Variants in SATL1 observed in about 807,000 individuals in gnomAD.
SATL1 encodes the protein spermidine/spermine N(1)-acetyltransferase-like protein 1.
SATL1 carries 47 observed loss-of-function variants against 51.8 expected under a neutral mutation model. The observed-to-expected ratio is 0.91, with a 90% confidence interval of 0.72 to 1.16. SATL1 has a LOEUF of 1.16. Ranked by LOEUF, SATL1 falls within the 50% of genes most tolerant of loss-of-function variation. The pLI, the probability that SATL1 is intolerant of heterozygous loss-of-function variation, is 0.00. For missense variants in SATL1, 520 were observed against 526.4 expected, an observed-to-expected ratio of 0.99 and a Z score of 0.12; for synonymous variants, 176 against 182.4, an observed-to-expected ratio of 0.97 and a Z score of 0.28.
chrX:85,107,352 G>T lies in SATL1; in HGVS notation c.1617C>A (p.Cys539Ter). Residue 539 changes from cysteine to a stop codon, truncating the protein, a stop_gained, in exon 3 of 8, where the codon TGC becomes TGA. Transcript: ENST00000644105. LOFTEE classifies it high-confidence loss of function. ...FQIRHAEAGD[C>*]PEILRLIKEL... ...CTTTAATCAGTCGCAAAATTTCTGG[G>T]CAGTCTCCAGCCTCTGCATGTCTTA... The T allele has an allele frequency of 8.3e-7, 1 of 1,211,054 alleles. No individual in the cohort carries two copies. Among genetic ancestry groups the T allele is most frequent in the Non-Finnish European group, 1.1e-6 (1 of 894,859 alleles).
At chrX:85,242,694 T>C (rs932089835) in intron 1 of SATL1, among the ~76,000 whole-genome samples, 1 of 112,207 alleles carries the variant, frequency 8.9e-6, no homozygotes, top group African/African-American at 3.2e-5. Context: ...CTGTGCCCAC[T>C]GTGTACGGGC....
chrX:85,220,042 AC>A (rs1449709545), intron 2 of SATL1, among the ~76,000 whole-genome samples: 1 of 108,589 alleles, frequency 9.2e-6, no homozygotes, highest in Non-Finnish European at 1.9e-5. Flanking sequence ...CACTGACACT[AC>A]CTCTCCCCAA....
At chrX:85,153,341 G>T (rs1926512455) in intron 2 of SATL1, among the ~76,000 whole-genome samples, 1 of 111,734 alleles carries the variant, frequency 8.9e-6, no homozygotes, top group African/African-American at 3.3e-5. Context: ...GGAAGCCTAG[G>T]CCTCTTCAAC....
In SATL1 at chrX:85,096,217, C is replaced by T. The variant is rs192712725; in HGVS notation, c.1694-1221G>A. On this transcript the variant is annotated intron_variant, in intron 4 of 7. Transcript: ENST00000644105. ...ATATAGATATAAATTTTAAAAAATC[C>T]TCCCCCTAACATTCTGAAGCTTAAA... is the stretch of plus-strand genomic sequence containing the variant. Among the ~76,000 whole-genome samples the T allele has an allele frequency of 2.3e-3, 250 of 109,985 alleles. 2 individuals carry two copies. The highest frequency in any genetic ancestry group is 7.4e-3 in the African/African-American group (223 of 30,262).
chrX:85,131,809 G>T (rs1925812589), intron 2 of SATL1, among the ~76,000 whole-genome samples: 1 of 111,463 alleles, frequency 9.0e-6, no homozygotes, highest in Non-Finnish European at 1.9e-5. Flanking sequence ...TCCATGTTTA[G>T]TGCTTCCTTC....
intron 2 of SATL1, among the ~76,000 whole-genome samples, chrX:85,196,764 A>T (rs1022256543): frequency 1.8e-5 from 2 of 111,795 alleles, no homozygotes; most frequent in African/African-American, 3.2e-5. Context: ...TTCTCAAAAA[A>T]ATCATCCTGG....
chrX:85,158,817 G>A (rs1362155802), intron 2 of SATL1, among the ~76,000 whole-genome samples: 1 of 111,433 alleles, frequency 9.0e-6, no homozygotes, highest in Admixed American at 9.6e-5. Context: ...ATGTGGCAGT[G>A]ATAATCACAA....
At chrX:85,140,827 C>A (rs1161387997) in intron 2 of SATL1, among the ~76,000 whole-genome samples, 2 of 111,339 alleles carry the variant, frequency 1.8e-5, no homozygotes, top group African/African-American at 6.5e-5. Context: ...ATATTATTGT[C>A]CCTTTAATTA....
intron 1 of SATL1, among the ~76,000 whole-genome samples, chrX:85,236,651 A>T (rs1265963401): frequency 1.8e-5 from 2 of 111,643 alleles, no homozygotes; most frequent in African/African-American, 6.5e-5. Flanking sequence ...CTTCATGATA[A>T]AAACCCTCAA....
At chrX:85,183,646 TA>T (rs1435450115) in intron 2 of SATL1, among the ~76,000 whole-genome samples, 2 of 111,409 alleles carry the variant, frequency 1.8e-5, no homozygotes, top group African/African-American at 6.5e-5. Flanking sequence ...TTTCCTTTTT[TA>T]AAAGAAGTTT....
chrX:85,159,137 T>C (rs1460268456), intron 2 of SATL1, among the ~76,000 whole-genome samples: 1 of 111,960 alleles, frequency 8.9e-6, no homozygotes, highest in Non-Finnish European at 1.9e-5. Flanking sequence ...TTTCAATATG[T>C]AATATCACTG....
chrX:85,190,004 T>A lies in SATL1; in HGVS notation c.-313+34201A>T, dbSNP rs76532719. Among the ~76,000 whole-genome samples the A allele has an allele frequency of 4.4e-3, 499 of 112,140 alleles. 17 individuals are homozygous for A. The East Asian group carries it at 0.12, about 26-fold the overall frequency. Reference sequence around the variant, plus strand: ...TTAAACATATTCTTTTATAATGTACTTTCTCAGTCTGTACAGTTATTGCAG... The same window carrying A: ...TTAAACATATTCTTTTATAATGTACATTCTCAGTCTGTACAGTTATTGCAG... On this transcript the variant is annotated intron_variant, in intron 2 of 7. Transcript: ENST00000644105.
intron 1 of SATL1, among the ~76,000 whole-genome samples, chrX:85,237,986 A>T (rs1375969247): frequency 9.0e-6 from 1 of 111,654 alleles, no homozygotes; most frequent in Non-Finnish European, 1.9e-5. Flanking sequence ...AATCAGAGAA[A>T]TGCAAATCAA....
intron 2 of SATL1, among the ~76,000 whole-genome samples, chrX:85,140,856 C>T (rs2147713551): frequency 9.0e-6 from 1 of 111,560 alleles, no homozygotes; most frequent in South Asian, 3.8e-4. Context: ...TGTCAGAATA[C>T]TTTTGGCTGC....
At chrX:85,199,174 C>T (rs748787160) in intron 2 of SATL1, among the ~76,000 whole-genome samples, 1 of 110,748 alleles carries the variant, frequency 9.0e-6, no homozygotes, top group Non-Finnish European at 1.9e-5. Context: ...TCCCCACACT[C>T]CCCCCACTAC....
At chrX:85,098,797 TG>T (rs1924809949) in intron 4 of SATL1, among the ~76,000 whole-genome samples, 1 of 111,362 alleles carries the variant, frequency 9.0e-6, no homozygotes, top group South Asian at 3.7e-4. Flanking sequence ...GCTTACAAGA[TG>T]AAGTGAAAGT....
chrX:85,142,191 T>C (rs1348759599), intron 2 of SATL1, among the ~76,000 whole-genome samples: 1 of 105,961 alleles, frequency 9.4e-6, no homozygotes, highest in Non-Finnish European at 1.9e-5. Flanking sequence ...GGTTAGGAGA[T>C]CGAGACCATC....
In SATL1 at chrX:85,107,909, G is replaced by A. The variant is rs374764586; in HGVS notation, c.1060C>T (p.Arg354Ter). ...ASISQPGPPQ[R>*]APSQSGPRQS... is the part of the protein sequence containing the mutation. ...CTGGGGCCTGATTGGCTTGGGGCTC[G>A]TTGCGGTGGACCTGGTTGGCTTATG... The change falls in exon 3 of 8, where the codon CGA becomes TGA. Residue 354 changes from arginine to a stop codon, truncating the protein, a stop_gained. Transcript: ENST00000644105. LOFTEE classifies it high-confidence loss of function. The A allele has an allele frequency of 1.7e-5, 21 of 1,208,626 alleles. No homozygotes were observed. Among genetic ancestry groups the A allele is most frequent in the Admixed American group, 6.6e-5 (3 of 45,606 alleles).
chrX:85,124,934 T>C (rs1925585421), intron 2 of SATL1, among the ~76,000 whole-genome samples: 1 of 110,101 alleles, frequency 9.1e-6, no homozygotes, highest in Non-Finnish European at 1.9e-5. Flanking sequence ...CTCTGGGTTT[T>C]ATACCTCAGG....
Sources: gnomAD v4.1 joint callset for allele counts (sites outside exome capture counted in the v4.1 genomes callset) on GRCh38, gnomAD v4.1.1 for gene constraint, MANE v1.5 for transcripts, NCBI Gene and HGNC (gene_info 2026-07-23, HGNC 2026-07-21) for gene names.